VSTM2B: variants seen among roughly 807,000 people sequenced by gnomAD.
VSTM2B encodes V-set and transmembrane domain containing 2B.
Under a neutral mutation model 24.0 loss-of-function variants are expected in VSTM2B, and 24 were observed. The ratio of observed to expected loss-of-function variants is 1.00; its 90% confidence interval spans 0.72 to 1.40. The LOEUF (loss-of-function observed/expected upper bound fraction) is 1.40. VSTM2B is among the 40% of genes most tolerant of loss of function. The pLI is 0.00. For synonymous variants in VSTM2B, 226 were observed against 194.4 expected (o/e 1.16, Z -1.35); for missense variants, 399 against 416.4 (o/e 0.96, Z 0.36).
chr19:29,555,222 G>T (rs1677321673), intron 4 of VSTM2B, among the ~76,000 whole-genome samples: 1 of 152,126 alleles, frequency 6.6e-6, no homozygotes, highest in South Asian at 2.1e-4. Flanking sequence ...AGACCACAGT[G>T]CAATCAAATT....
chr19:29,544,450 C>T (rs1046305974), intron 4 of VSTM2B, among the ~76,000 whole-genome samples: 14 of 137,942 alleles, frequency 1.0e-4, no homozygotes, highest in African/African-American at 3.3e-4. Flanking sequence ...GGCGTGAACC[C>T]GGGAGGCGGA....
Position 29,530,137 on chromosome 19 carries a change from A to G in VSTM2B, c.616A>G (p.Ser206Gly). 1 of 1,460,726 alleles carries G rather than the reference A, an allele frequency of 6.8e-7. No individual in the cohort carries two copies. The highest frequency in any genetic ancestry group is 1.3e-5 in the South Asian group (1 of 75,874). The allele number at this position is 1,460,726 out of a possible 1,614,324, so 90.5% of individuals were successfully genotyped here. Reference protein sequence around the residue: ...GRGDKSPPPGSPPAAIDPAVP... With the variant: ...GRGDKSPPPGGPPAAIDPAVP... ...CGGCGACAAGAGCCCGCCGCCCGGG[A>G]GCCCTCCCGCCGCCATCGATCCCGC... The change falls in exon 4 of 5, where the codon AGC becomes GGC. Residue 206 changes from serine to glycine, a missense_variant. Physicochemically the swap from Ser to Gly is moderately conservative, Grantham distance 56. Coordinates refer to ENST00000335523, the MANE Select transcript of VSTM2B (RefSeq NM_001146339.2).
At chr19:29,556,405 A>G (rs1043724876) in intron 4 of VSTM2B, among the ~76,000 whole-genome samples, 5 of 152,242 alleles carry the variant, frequency 3.3e-5, no homozygotes, top group Non-Finnish European at 5.9e-5. Context: ...AAAGCCGTTT[A>G]TGACAAACCT....
At chr19:29,531,106 G>C (rs1969747906) in intron 4 of VSTM2B, among the ~76,000 whole-genome samples, 1 of 151,366 alleles carries the variant, frequency 6.6e-6, no homozygotes, top group African/African-American at 2.4e-5. Context: ...GGCAGGGGTG[G>C]GGGCGGTGGG....
intron 4 of VSTM2B, among the ~76,000 whole-genome samples, chr19:29,542,026 T>C (rs890308411): frequency 1.4e-5 from 2 of 142,254 alleles, no homozygotes; most frequent in African/African-American, 2.7e-5. Flanking sequence ...GGTGAGTAGA[T>C]GGTAGATGGG....
chr19:29,528,457 A>C lies in VSTM2B; in HGVS notation c.292A>C (p.Ile98Leu). ...GGTAACAAATAAGGATGCAACTAAAATCAGCGTAAGTGTGGAGCCCAGCGC... is the reference window on the plus strand; with the variant it reads ...GGTAACAAATAAGGATGCAACTAAACTCAGCGTAAGTGTGGAGCCCAGCGC... ...SKVTNKDATK[I>L]STVRVQGNDI... is the part of the protein sequence containing the mutation. Residue 98 changes from isoleucine to leucine, a missense_variant, in exon 3 of 5, where the codon ATC (isoleucine) becomes CTC (leucine). Transcript: ENST00000335523. 1 of 1,550,998 alleles carries C rather than the reference A, an allele frequency of 6.4e-7. No homozygotes were observed. The highest frequency in any genetic ancestry group is 1.4e-5 in the African/African-American group (1 of 73,180).
At chr19:29,527,596 C>A (rs944828836) in intron 2 of VSTM2B, among the ~76,000 whole-genome samples, 1 of 152,236 alleles carries the variant, frequency 6.6e-6, no homozygotes, top group Non-Finnish European at 1.5e-5. Context: ...TTGACAGCAT[C>A]GCTGTTCCCA....
chr19:29,543,852 A>G (rs930673377), intron 4 of VSTM2B, among the ~76,000 whole-genome samples: 1 of 152,158 alleles, frequency 6.6e-6, no homozygotes, highest in Non-Finnish European at 1.5e-5. Flanking sequence ...TGCCATCTAC[A>G]TAATGGGCAC....
chr19:29,528,338 G>A, intron 2 of VSTM2B, 95 bp from the exon 3 acceptor site: 1 of 1,511,002 alleles, frequency 6.6e-7, no homozygotes, highest in Non-Finnish European at 9.0e-7. Context: ...GTCCTAGCCT[G>A]CCGGAGGAGG....
At chr19:29,527,064 T>G (rs1371118160) in intron 1 of VSTM2B, 147 bp from the exon 2 acceptor site, 4 of 719,292 alleles carry the variant, frequency 5.6e-6, no homozygotes, top group African/African-American at 3.6e-5. Flanking sequence ...CCCCGAACTT[T>G]GCTAGCCCCT....
chr19:29,529,889 G>T lies in VSTM2B; in HGVS notation c.368G>T (p.Gly123Val). Residue 123 changes from glycine to valine, a missense_variant, in exon 4 of 5, where the codon GGC becomes GTC. Coordinates refer to ENST00000335523, the MANE Select transcript of VSTM2B (RefSeq NM_001146339.2). ...RLSAVRLQDE[G>V]VYECRVSDYS... ...TCTGCCGTGCGGCTGCAGGACGAGG[G>T]CGTGTACGAGTGCCGCGTGTCGGAC... The T allele has an allele frequency of 6.4e-7, 1 of 1,550,404 alleles. No homozygotes were observed. Among genetic ancestry groups the T allele is most frequent in the Non-Finnish European group, 8.7e-7 (1 of 1,146,892 alleles).
At chr19:29,536,414 T>C (rs988764364) in intron 4 of VSTM2B, among the ~76,000 whole-genome samples, 1 of 152,138 alleles carries the variant, frequency 6.6e-6, no homozygotes, top group African/African-American at 2.4e-5. Context: ...CTTCCCAAGG[T>C]TGGAGAAGTC....
At chr19:29,533,272 G>C (rs567284372) in intron 4 of VSTM2B, among the ~76,000 whole-genome samples, 1 of 152,306 alleles carries the variant, frequency 6.6e-6, no homozygotes, top group Admixed American at 6.5e-5. Flanking sequence ...GCCTTCCCTG[G>C]AGGGGCTGAT....
intron 4 of VSTM2B, among the ~76,000 whole-genome samples, chr19:29,534,376 C>T (rs940262828): frequency 6.6e-6 from 1 of 152,216 alleles, no homozygotes; most frequent in Non-Finnish European, 1.5e-5. Flanking sequence ...CCCTCAGGGG[C>T]TCACAGCAGA....
intron 4 of VSTM2B, among the ~76,000 whole-genome samples, chr19:29,540,262 C>A (rs760897994): frequency 2.6e-5 from 4 of 152,228 alleles, no homozygotes; most frequent in Non-Finnish European, 4.4e-5. Flanking sequence ...GCAGACCTAG[C>A]CCCTGCCCCA....
chr19:29,562,557 C>T lies in VSTM2B; in HGVS notation c.770-1289C>T, dbSNP rs527391481. On this transcript the variant is annotated intron_variant, in intron 4 of 4. Transcript: ENST00000335523. ...CAAGAGAAGGGAGGAGAGAGGCCTCCGGATGGTGCAGATGAGCAGGGCGGG... is the reference window on the plus strand; with the variant it reads ...CAAGAGAAGGGAGGAGAGAGGCCTCTGGATGGTGCAGATGAGCAGGGCGGG... 2.0e-4 allele frequency among the ~76,000 whole-genome samples: 31 copies of T among 152,242 alleles called. 1 individual carries two copies. The South Asian group carries it at 4.8e-3, about 23-fold the overall frequency.
Position 29,526,768 on chromosome 19 carries a change from C to T in VSTM2B, c.82+103C>T. 1 of 1,107,574 alleles carries T rather than the reference C, an allele frequency of 9.0e-7. No individual in the cohort carries two copies. The highest frequency in any genetic ancestry group is 1.5e-5 in the South Asian group (1 of 67,810). The allele number at this position is 1,107,574 out of a possible 1,614,324, so 68.6% of individuals were successfully genotyped here. ...AGAACGAACCGGGAAGCTTCGCGGT[C>T]TCCAGCAATCCCGCTGTGCAGCCTG... On this transcript the variant is annotated intron_variant, in intron 1 of 4. Transcript: ENST00000335523. This position sits in a 1 kb window ranked among gnomAD's most constrained non-coding sequence, Gnocchi z 4.1.
chr19:29,542,310 G>A (rs1202396894), intron 4 of VSTM2B, among the ~76,000 whole-genome samples: 1 of 151,082 alleles, frequency 6.6e-6, no homozygotes, highest in African/African-American at 2.4e-5. Flanking sequence ...TAAGAAGAAG[G>A]ATGAATTAAT....
intron 4 of VSTM2B, among the ~76,000 whole-genome samples, chr19:29,536,366 G>A (rs1193206108): frequency 6.6e-6 from 1 of 152,172 alleles, no homozygotes; most frequent in Non-Finnish European, 1.5e-5. Flanking sequence ...CTCCCAATTA[G>A]GTCAGACCTT....
Sources: allele counts gnomAD v4.1 joint callset (sites outside exome capture counted in the v4.1 genomes callset), GRCh38; gene constraint gnomAD v4.1.1; non-coding constraint Gnocchi (gnomAD v3.1); transcripts MANE v1.5; gene names NCBI Gene and HGNC (gene_info 2026-07-23, HGNC 2026-07-21).